Variants in GPC6 observed in about 807,000 individuals in gnomAD.
The protein encoded by GPC6 is glypican 6, also known as glypican-6.
A neutral mutation model predicts 55.2 loss-of-function variants in GPC6; 14 were observed. That is an observed-to-expected ratio of 0.25 (90% CI 0.17 to 0.40). The LOEUF (loss-of-function observed/expected upper bound fraction) is 0.40, where lower values mean the gene tolerates loss of function less well. GPC6 is among the 10% of genes least tolerant of loss of function. The pLI is 1.00. For synonymous variants in GPC6, 278 were observed against 259.6 expected, an observed-to-expected ratio of 1.07 and a Z score of -0.68; for missense variants, 641 against 708.5, an observed-to-expected ratio of 0.90 and a Z score of 1.08.
At chr13:94,281,185 A>T (rs1247952378) in intron 4 of GPC6, among the ~76,000 whole-genome samples, 1 of 152,022 alleles carries the variant, frequency 6.6e-6, no homozygotes, top group Non-Finnish European at 1.5e-5. Flanking sequence ...CTTTTTGTAA[A>T]TTTTTTAAAT....
intron 1 of GPC6, among the ~76,000 whole-genome samples, chr13:93,354,606 C>T (rs1196919529): frequency 2.6e-5 from 4 of 151,216 alleles, no homozygotes; most frequent in South Asian, 2.1e-4. Flanking sequence ...CCTCGTGATC[C>T]GCCCGCCTCG....
intron 2 of GPC6, among the ~76,000 whole-genome samples, chr13:93,814,679 A>C (rs1267808519): frequency 6.6e-6 from 1 of 152,196 alleles, no homozygotes; most frequent in South Asian, 2.1e-4. Flanking sequence ...CTGTCAAGTG[A>C]CCCATGAACA....
chr13:93,803,872 A>G (rs994485130), intron 2 of GPC6, among the ~76,000 whole-genome samples: 2 of 152,130 alleles, frequency 1.3e-5, no homozygotes, highest in African/African-American at 4.8e-5. Context: ...TAAGTAGCTT[A>G]ATGATTGTCT....
intron 6 of GPC6, among the ~76,000 whole-genome samples, chr13:94,317,769 T>C (rs1281593870): frequency 6.6e-6 from 1 of 152,168 alleles, no homozygotes; most frequent in Non-Finnish European, 1.5e-5. Context: ...AAAATCAATA[T>C]TTAGGAATTT....
intron 3 of GPC6, among the ~76,000 whole-genome samples, chr13:94,012,391 A>T (rs1882283580): frequency 6.6e-6 from 1 of 152,216 alleles, no homozygotes; most frequent in African/African-American, 2.4e-5. Flanking sequence ...AGGGCTCATC[A>T]GGAATTAGAA....
chr13:93,505,308 G>A (rs1594219455), intron 1 of GPC6, among the ~76,000 whole-genome samples: 4 of 152,182 alleles, frequency 2.6e-5, no homozygotes, highest in African/African-American at 9.6e-5. Flanking sequence ...TGCTCCTGGG[G>A]GAAATACATG....
chr13:93,238,628 A>C (rs1028550962), intron 1 of GPC6, among the ~76,000 whole-genome samples: 1 of 152,078 alleles, frequency 6.6e-6, no homozygotes, highest in Admixed American at 6.5e-5. Context: ...GAAGTAGTGA[A>C]AGTGGGCATC....
chr13:93,485,282 C>T (rs770420992), intron 1 of GPC6, among the ~76,000 whole-genome samples: 5 of 152,198 alleles, frequency 3.3e-5, no homozygotes, highest in Admixed American at 2.0e-4. Flanking sequence ...GTGGGACAGG[C>T]GGTGGCATCA....
intron 5 of GPC6, among the ~76,000 whole-genome samples, chr13:94,301,087 C>T (rs1273715410): frequency 6.6e-6 from 1 of 152,216 alleles, no homozygotes; most frequent in Non-Finnish European, 1.5e-5. Context: ...GGAAACACTA[C>T]TGATGTCATC....
intron 3 of GPC6, among the ~76,000 whole-genome samples, chr13:93,877,784 G>C (rs936056406): frequency 6.6e-6 from 1 of 152,112 alleles, no homozygotes; most frequent in Admixed American, 6.6e-5. Context: ...TGATAGTGGA[G>C]ATAATAAACG....
chr13:93,785,154 A>G (rs1215319601), intron 2 of GPC6, among the ~76,000 whole-genome samples: 1 of 152,192 alleles, frequency 6.6e-6, no homozygotes, highest in Non-Finnish European at 1.5e-5. Context: ...TGCTAAAATT[A>G]CGATTCTAGG....
At chr13:94,138,045 G>A (rs145744612) in intron 4 of GPC6, among the ~76,000 whole-genome samples, 14 of 152,274 alleles carry the variant, frequency 9.2e-5, no homozygotes, top group African/African-American at 3.1e-4. Context: ...TAATTGTATA[G>A]TGTTTGCTAA....
chr13:93,911,614 A>G (rs570408437), intron 3 of GPC6, among the ~76,000 whole-genome samples: 1 of 152,328 alleles, frequency 6.6e-6, no homozygotes, highest in African/African-American at 2.4e-5. Context: ...CAACCAAAAA[A>G]GGAAAGGGCA....
chr13:93,599,495 G>A (rs1185408972), intron 2 of GPC6, among the ~76,000 whole-genome samples: 2 of 152,056 alleles, frequency 1.3e-5, no homozygotes, highest in African/African-American at 2.4e-5. Context: ...TTATGATCTG[G>A]CTTCTGTGAT....
intron 1 of GPC6, among the ~76,000 whole-genome samples, chr13:93,482,824 A>G (rs1879568686): frequency 6.6e-6 from 1 of 152,186 alleles, no homozygotes; most frequent in South Asian, 2.1e-4. Context: ...GTAATAATCA[A>G]ATAGTATTTA....
At chr13:94,110,531 GGAGT>G (rs1886209418) in intron 4 of GPC6, among the ~76,000 whole-genome samples, 1 of 152,004 alleles carries the variant, frequency 6.6e-6, no homozygotes, top group Non-Finnish European at 1.5e-5. Context: ...AATTCATAAG[GGAGT>G]GATCCTTTAA....
intron 3 of GPC6, among the ~76,000 whole-genome samples, chr13:93,975,500 G>T (rs940648429): frequency 2.0e-5 from 3 of 152,120 alleles, no homozygotes; most frequent in African/African-American, 7.2e-5. Context: ...ATGCTGTTAT[G>T]CAAATCAGAC....
intron 1 of GPC6, among the ~76,000 whole-genome samples, chr13:93,371,392 G>C (rs1475072300): frequency 2.6e-5 from 4 of 151,836 alleles, no homozygotes; most frequent in African/African-American, 9.7e-5. Context: ...AGATAATATT[G>C]GTTCATTTTA....
intron 3 of GPC6, among the ~76,000 whole-genome samples, chr13:93,847,809 T>A (rs1888245391): frequency 6.6e-6 from 1 of 152,072 alleles, no homozygotes; most frequent in Non-Finnish European, 1.5e-5. Context: ...ATATAGAGAG[T>A]CAGATCAACC....
Sources: allele counts gnomAD v4.1 joint callset (sites outside exome capture counted in the v4.1 genomes callset), GRCh38; gene constraint gnomAD v4.1.1; transcripts MANE v1.5; gene names NCBI Gene and HGNC (gene_info 2026-07-23, HGNC 2026-07-21).